GPC5: variants seen among roughly 807,000 people sequenced by gnomAD.
The protein encoded by GPC5 is glypican 5.
Under a neutral mutation model 53.9 loss-of-function variants are expected in GPC5, and 47 were observed. The observed-to-expected ratio is 0.87, with a 90% confidence interval of 0.69 to 1.11. GPC5 has a LOEUF of 1.11. GPC5 is among the 50% of genes most tolerant of loss of function. The probability of loss-of-function intolerance (pLI) is 0.00; values close to 1 mark genes in which losing one functional copy is unlikely to be tolerated. For missense variants in GPC5, 748 were observed against 713.1 expected, an observed-to-expected ratio of 1.05 and a Z score of -0.56; for synonymous variants, 286 against 263.3, an observed-to-expected ratio of 1.09 and a Z score of -0.84.
Position 92,784,767 on chromosome 13 carries a change from G to GA in GPC5, c.1562-81514dup, listed in dbSNP as rs549885806. Among the ~76,000 whole-genome samples, 382 of 152,172 alleles carry GA rather than the reference G, an allele frequency of 2.5e-3. 1 individual carries two copies. Among genetic ancestry groups the GA allele is most frequent in the African/African-American group, 8.9e-3 (368 of 41,510 alleles). ...TCAAACTAAAAAATCATTACCCAGG[G>GA]ATCCTAAGATATATCAGGTTATCTT... On this transcript the variant is annotated intron_variant, in intron 7 of 7. Transcript: ENST00000377067.
chr13:92,768,686 C>G (rs768376841), intron 7 of GPC5, among the ~76,000 whole-genome samples: 9 of 151,850 alleles, frequency 5.9e-5, no homozygotes, highest in Admixed American at 1.3e-4. Context: ...TGCCAATTCC[C>G]GAAGCTGGCC....
intron 1 of GPC5, among the ~76,000 whole-genome samples, chr13:91,445,440 A>G: frequency 6.6e-6 from 1 of 152,138 alleles, no homozygotes. Flanking sequence ...TGTGCTACTC[A>G]GAACAGCAAG....
chr13:92,037,640 G>A lies in GPC5; in HGVS notation c.1402-107190G>A, dbSNP rs1038220206. 3.9e-5 allele frequency among the ~76,000 whole-genome samples: 6 copies of A among 152,252 alleles called. 1 individual carries two copies. The Middle Eastern group carries it at 0.01, about 259-fold the overall frequency. On this transcript the variant is annotated intron_variant, in intron 6 of 7. Coordinates refer to ENST00000377067, the MANE Select transcript of GPC5 (RefSeq NM_004466.6). ...TAGGGCCTAGAATAGTGCCTGACTG[G>A]CACAGGGGGAGTCCTTAATAAATAT... is the stretch of plus-strand genomic sequence containing the variant.
At chr13:92,592,552 GAGAAAT>G (rs1180218425) in intron 7 of GPC5, among the ~76,000 whole-genome samples, 5 of 151,382 alleles carry the variant, frequency 3.3e-5, no homozygotes, top group Admixed American at 1.3e-4. Flanking sequence ...ATTCAAGAAA[GAGAAAT>G]AGAAATAGAA....
chr13:91,439,032 C>G (rs574673529), intron 1 of GPC5, among the ~76,000 whole-genome samples: 2 of 152,218 alleles, frequency 1.3e-5, no homozygotes, highest in African/African-American at 2.4e-5. Context: ...TCTTCTGTGT[C>G]GCTCACGCTG....
At chr13:92,178,083 T>C (rs1350600956) in intron 7 of GPC5, among the ~76,000 whole-genome samples, 1 of 152,202 alleles carries the variant, frequency 6.6e-6, no homozygotes, top group Admixed American at 6.5e-5. Context: ...ATATTCCTGA[T>C]ACGAGTTAGG....
chr13:92,330,656 T>G (rs2043282105), intron 7 of GPC5, among the ~76,000 whole-genome samples: 1 of 152,198 alleles, frequency 6.6e-6, no homozygotes, highest in Admixed American at 6.6e-5. Flanking sequence ...AAAAACATAT[T>G]TATGTATTAC....
intron 5 of GPC5, among the ~76,000 whole-genome samples, chr13:91,791,411 A>C (rs753621465): frequency 7.9e-5 from 12 of 152,166 alleles, no homozygotes; most frequent in Admixed American, 2.6e-4. Flanking sequence ...GTAGCACTCC[A>C]AAATCCTCCA....
chr13:91,401,053 A>G (rs1876914795), intron 1 of GPC5, among the ~76,000 whole-genome samples: 1 of 152,194 alleles, frequency 6.6e-6, no homozygotes, highest in Non-Finnish European at 1.5e-5. Flanking sequence ...GGGAGCACTC[A>G]CAGAAGAGGC....
At chr13:91,994,436 A>G (rs1050862158) in intron 6 of GPC5, 4 of 152,248 alleles carry the variant, frequency 2.6e-5, no homozygotes, top group Admixed American at 2.6e-4. Flanking sequence ...GCAAATCTTT[A>G]TAGAGTGACT....
At chr13:91,982,057 A>G (rs2040364848) in intron 6 of GPC5, among the ~76,000 whole-genome samples, 1 of 152,168 alleles carries the variant, frequency 6.6e-6, no homozygotes, top group African/African-American at 2.4e-5. Flanking sequence ...CGTAATCCAA[A>G]AATCCATAGA....
intron 6 of GPC5, among the ~76,000 whole-genome samples, chr13:91,974,520 T>A (rs2040278581): frequency 6.6e-6 from 1 of 151,896 alleles, no homozygotes; most frequent in Non-Finnish European, 1.5e-5. Flanking sequence ...CCATTCACAA[T>A]TGCTTCAAAG....
At chr13:92,862,313 T>C (rs1371364376) in intron 7 of GPC5, among the ~76,000 whole-genome samples, 1 of 152,182 alleles carries the variant, frequency 6.6e-6, no homozygotes, top group African/African-American at 2.4e-5. Flanking sequence ...CATTCAACAA[T>C]ATTAATTAAA....
chr13:92,701,178 A>C (rs565330821), intron 7 of GPC5, among the ~76,000 whole-genome samples: 1 of 152,268 alleles, frequency 6.6e-6, no homozygotes, highest in Non-Finnish European at 1.5e-5. Context: ...ACAACATCTT[A>C]AATATATTAA....
intron 2 of GPC5, among the ~76,000 whole-genome samples, chr13:91,472,019 C>G (rs1882662814): frequency 6.6e-6 from 1 of 152,064 alleles, no homozygotes; most frequent in Admixed American, 6.6e-5. Flanking sequence ...TTTAAATGTC[C>G]TCTATAATCT....
intron 7 of GPC5, among the ~76,000 whole-genome samples, chr13:92,607,468 G>GA (rs200919187): frequency 2.4e-4 from 36 of 148,838 alleles, no homozygotes; most frequent in South Asian, 4.2e-4. Flanking sequence ...GAAAACGACA[G>GA]AAAAAAAAAA....
intron 7 of GPC5, among the ~76,000 whole-genome samples, chr13:92,611,295 T>C (rs750228249): frequency 9.2e-5 from 14 of 152,152 alleles, no homozygotes; most frequent in Non-Finnish European, 1.6e-4. Context: ...GGACTTTCAC[T>C]TCCATGGACT....
intron 7 of GPC5, among the ~76,000 whole-genome samples, chr13:92,526,741 T>A (rs1881296619): frequency 1.3e-5 from 2 of 151,890 alleles, no homozygotes; most frequent in Admixed American, 6.6e-5. Flanking sequence ...TTTATATTAT[T>A]TTTATTATTA....
chr13:91,682,625 G>A (rs1171648988), intron 2 of GPC5, among the ~76,000 whole-genome samples: 3 of 152,290 alleles, frequency 2.0e-5, no homozygotes, highest in Admixed American at 2.0e-4. Context: ...AGGAGGACTC[G>A]ATTCCTGCCT....
Sources: gnomAD v4.1 joint callset for allele counts (sites outside exome capture counted in the v4.1 genomes callset) on GRCh38, gnomAD v4.1.1 for gene constraint, MANE v1.5 for transcripts, NCBI Gene and HGNC (gene_info 2026-07-23, HGNC 2026-07-21) for gene names.